Variants in PRORP observed in about 807,000 individuals in gnomAD.
PRORP encodes mitochondrial ribonuclease P catalytic subunit.
A neutral mutation model predicts 59.4 loss-of-function variants in PRORP; 51 were observed. The observed-to-expected ratio is 0.86, with a 90% confidence interval of 0.69 to 1.08. PRORP has a LOEUF of 1.08. PRORP is among the 50% of genes least tolerant of loss of function. The pLI is 0.00. For synonymous variants in PRORP, 231 were observed against 245.6 expected, an observed-to-expected ratio of 0.94 and a Z score of 0.55; for missense variants, 646 against 690.3, an observed-to-expected ratio of 0.94 and a Z score of 0.72.
At chr14:35,202,261 A>C (rs2049175548) in intron 5 of PRORP, among the ~76,000 whole-genome samples, 1 of 151,978 alleles carries the variant, frequency 6.6e-6, no homozygotes, top group East Asian at 1.9e-4. Flanking sequence ...TGGCCTCACA[A>C]AATTATTTTT....
chr14:35,164,839 C>G lies in PRORP; in HGVS notation c.1168-15831C>G, dbSNP rs559105783. Among the ~76,000 whole-genome samples the G allele has an allele frequency of 1.2e-4, 18 of 152,230 alleles. 1 individual carries two copies. Among genetic ancestry groups the G allele is most frequent in the Middle Eastern group, 3.4e-3 (1 of 294 alleles). On this transcript the variant is annotated intron_variant, in intron 4 of 7. Coordinates refer to ENST00000534898, the MANE Select transcript of PRORP (RefSeq NM_014672.4). ...AAATTCCATTAGTCCTTATTAGTCT[C>G]TTTTGGGGAGGGAGTAGGGGAGTGG... is the stretch of plus-strand genomic sequence containing the variant.
In PRORP at chr14:35,123,568, T is replaced by C. The variant is rs1333871425; in HGVS notation, c.323T>C (p.Val108Ala). The C allele has an allele frequency of 1.2e-6, 2 of 1,614,042 alleles. No individual in the cohort carries two copies. The highest frequency in any genetic ancestry group is 2.2e-5 in the East Asian group (1 of 44,898). Residue 108 changes from valine to alanine, a missense_variant, in exon 2 of 8, where the codon GTG (valine) becomes GCG (alanine). Coordinates refer to ENST00000534898, the MANE Select transcript of PRORP (RefSeq NM_014672.4). ...ACTGAAGATCATGCCTTGGCACCTG[T>C]GAGGAACACTATTCAACTCCCAACA... is the stretch of plus-strand genomic sequence containing the variant. ...SQTEDHALAP[V>A]RNTIQLPTQP... is the part of the protein sequence containing the mutation.
intron 4 of PRORP, among the ~76,000 whole-genome samples, chr14:35,147,776 ATCC>A (rs1566456043): frequency 6.6e-6 from 1 of 152,220 alleles, no homozygotes; most frequent in African/African-American, 2.4e-5. Context: ...ATTGGAGTCA[ATCC>A]TCTGAAATCC....
chr14:35,231,930 G>T (rs2050091665), intron 5 of PRORP, among the ~76,000 whole-genome samples: 3 of 152,150 alleles, frequency 2.0e-5, no homozygotes, highest in Admixed American at 2.0e-4. Flanking sequence ...TTATATACAT[G>T]CATACTTGCT....
intron 5 of PRORP, chr14:35,262,491 C>T: frequency 1.9e-6 from 1 of 531,100 alleles, no homozygotes; most frequent in South Asian, 1.9e-5. Context: ...AGACTGTCAA[C>T]ATTCCAGAAA....
intron 5 of PRORP, among the ~76,000 whole-genome samples, chr14:35,201,352 C>G (rs2049143748): frequency 6.6e-6 from 1 of 152,168 alleles, no homozygotes; most frequent in Admixed American, 6.5e-5. Context: ...TGTTTCACTT[C>G]CTTGAGGGCA....
Position 35,123,993 on chromosome 14 carries a change from TG to T in PRORP, c.749del (p.Cys250LeufsTer11). 6.2e-7 allele frequency: 1 copy of T among 1,614,096 alleles called. No individual in the cohort carries two copies. Among genetic ancestry groups the T allele is most frequent in the Admixed American group, 1.7e-5 (1 of 60,010 alleles). On this transcript the variant is annotated frameshift_variant, in exon 2 of 8. Coordinates refer to ENST00000534898, the MANE Select transcript of PRORP (RefSeq NM_014672.4). LOFTEE classifies it high-confidence loss of function. ...ITPSKKNYND[C>X]IQGALLHQDV... ...TCCTTCAAAAAAGAACTATAATGAC[TG>T]TATCCAGGGAGCTCTCCTTCATCAA...
At position 35,276,740 on chromosome 14, in the gene PRORP, C is replaced by G. The variant is rs894672353; in HGVS notation, c.*3174C>G. ...TAGTATCTTTAAAATCAGTTGTGAA[C>G]AATGAAGGATTTGAAAGAGCATTGA... On this transcript the variant is annotated 3_prime_UTR_variant, in exon 8 of 8. Transcript: ENST00000534898. 1 of 152,102 alleles carries G rather than the reference C, an allele frequency of 6.6e-6. No individual in the cohort carries two copies. Among genetic ancestry groups the G allele is most frequent in the Non-Finnish European group, 1.5e-5 (1 of 68,024 alleles). The allele number at this position is 152,102 out of a possible 1,614,324, so 9.4% of individuals were successfully genotyped here.
At chr14:35,206,957 T>C (rs1306474827) in intron 5 of PRORP, among the ~76,000 whole-genome samples, 2 of 152,244 alleles carry the variant, frequency 1.3e-5, no homozygotes, top group African/African-American at 4.8e-5. Flanking sequence ...AATTTAGCAG[T>C]GTTGAAATCT....
At position 35,123,372 on chromosome 14, in the gene PRORP, C is replaced by G. The variant is rs1033375657; in HGVS notation, c.127C>G (p.Gln43Glu). 4 of 1,614,036 alleles carry G rather than the reference C, an allele frequency of 2.5e-6. No homozygotes were observed. The African/African-American group carries it at 5.3e-5, about 22-fold the overall frequency. The change falls in exon 2 of 8, where the codon CAG becomes GAG. Residue 43 changes from glutamine (Q) to glutamate (E), a missense_variant. Gln to Glu is a conservative substitution (Grantham distance 29, BLOSUM62 2). Coordinates refer to ENST00000534898, the MANE Select transcript of PRORP (RefSeq NM_014672.4). ...AGACCGCTGTGGCATCAGGAACCAG[C>G]AGAGGTTGTTTTCTCTTAAAACAAT... Reference protein sequence around the residue: ...LADRCGIRNQQRLFSLKTMSP... With the variant: ...LADRCGIRNQERLFSLKTMSP...
At chr14:35,190,302 G>A (rs28687513) in intron 5 of PRORP, among the ~76,000 whole-genome samples, 4,414 of 151,456 alleles carry the variant, frequency 0.029, 190 homozygotes, top group African/African-American at 0.096. Flanking sequence ...GGAGGCTGAG[G>A]CAGGAGAATC....
chr14:35,186,879 C>T (rs1277037743), intron 5 of PRORP, among the ~76,000 whole-genome samples: 1 of 152,130 alleles, frequency 6.6e-6, no homozygotes, highest in Non-Finnish European at 1.5e-5. Flanking sequence ...GACTGAGCCA[C>T]CATGTCTGGC....
chr14:35,234,633 T>G (rs17103120), intron 5 of PRORP, among the ~76,000 whole-genome samples: 1 of 151,626 alleles, frequency 6.6e-6, no homozygotes, highest in African/African-American at 2.4e-5. Flanking sequence ...TCAAATGTGA[T>G]TAACTCTCTC....
At chr14:35,222,625 C>T (rs891628585) in intron 5 of PRORP, 1 of 152,254 alleles carries the variant, frequency 6.6e-6, no homozygotes, top group Non-Finnish European at 1.5e-5. Context: ...ACTGCCAAAA[C>T]CATAATATAT....
At chr14:35,216,130 T>TAATATATTTATATTTATATATAATATAC in intron 5 of PRORP, among the ~76,000 whole-genome samples, 1 of 147,684 alleles carries the variant, frequency 6.8e-6, no homozygotes, top group Non-Finnish European at 1.5e-5. Flanking sequence ...ATATAATATA[T>TAATATATTTATATTTATATATAATATAC]AATATATTTA....
rs190302782 is a variant in PRORP at position 35,271,043 on chromosome 14, C to T, written c.1620+447C>T. Among the ~76,000 whole-genome samples the T allele has an allele frequency of 2.6e-3, 390 of 151,810 alleles. 2 individuals carry two copies. The highest frequency in any genetic ancestry group is 8.8e-3 in the African/African-American group (363 of 41,464). On this transcript the variant is annotated intron_variant, in intron 7 of 7. Transcript: ENST00000534898. ...CAGAGCTTGCAGTGAGCCGAGATCA[C>T]GCCACTGCACTCCAGCCTGGGCGAC...
chr14:35,254,567 T>C (rs980756304), intron 5 of PRORP, among the ~76,000 whole-genome samples: 1 of 152,100 alleles, frequency 6.6e-6, no homozygotes, highest in Non-Finnish European at 1.5e-5. Context: ...TAATTTTGTA[T>C]TTTTAGTAGA....
chr14:35,211,837 G>A (rs187266325), intron 5 of PRORP, among the ~76,000 whole-genome samples: 103 of 152,238 alleles, frequency 6.8e-4, no homozygotes, highest in African/African-American at 2.4e-3. Context: ...AATGAAATTT[G>A]CTGCATTGAT....
intron 5 of PRORP, among the ~76,000 whole-genome samples, chr14:35,189,489 T>C (rs983481718): frequency 4.0e-5 from 6 of 151,690 alleles, no homozygotes; most frequent in Non-Finnish European, 7.4e-5. Context: ...AGATTGATTA[T>C]ATAGCCTGCC....
Sources: allele counts gnomAD v4.1 joint callset (sites outside exome capture counted in the v4.1 genomes callset), GRCh38; gene constraint gnomAD v4.1.1; transcripts MANE v1.5; gene names NCBI Gene and HGNC (gene_info 2026-07-23, HGNC 2026-07-21).